The following PCDHB7 variants were observed in gnomAD, a reference collection of about 807,000 sequenced individuals.
PCDHB7 encodes the protein protocadherin beta-7.
For synonymous variants in PCDHB7, 542 were observed against 463.1 expected (o/e 1.17, Z -2.19); for missense variants, 1,148 against 1,011.6 (o/e 1.13, Z -1.83).
chr5:141,174,342 C>T lies in PCDHB7; in HGVS notation c.1507C>T (p.Leu503=), dbSNP rs1554280222. 1 of 1,612,992 alleles carries T rather than the reference C, an allele frequency of 6.2e-7. No homozygotes were observed. Among genetic ancestry groups the T allele is most frequent in the East Asian group, 2.2e-5 (1 of 44,866 alleles). ...SQDPHLPLAS[L]VSINADNGHL... ...GGACCCGCACCTGCCCCTCGCCTCC[C>T]TGGTCTCCATCAACGCGGACAACGG... The change falls in exon 1 of 1, where the codon CTG becomes TTG. Residue 503 remains leucine (L), a synonymous_variant. Coordinates refer to ENST00000231137, the MANE Select transcript of PCDHB7 (RefSeq NM_018940.4).
At position 141,173,865 on chromosome 5, in the gene PCDHB7, C is replaced by A. The variant is rs566132808; in HGVS notation, c.1030C>A (p.Arg344=). 2 of 1,613,852 alleles carry A rather than the reference C, an allele frequency of 1.2e-6. No homozygotes were observed. Among genetic ancestry groups the A allele is most frequent in the South Asian group, 2.2e-5 (2 of 91,044 alleles). ...VVDVTDINDN[R]PELLLSSLTS... is the part of the protein sequence containing the mutation. Reference sequence around the variant, plus strand: ...TGATGTAACAGATATAAACGATAATCGACCCGAGCTGCTCCTGTCTTCACT... The same window carrying A: ...TGATGTAACAGATATAAACGATAATAGACCCGAGCTGCTCCTGTCTTCACT... The change falls in exon 1 of 1, where the codon CGA becomes AGA. Residue 344 remains arginine, a synonymous_variant. Coordinates refer to ENST00000231137, the MANE Select transcript of PCDHB7 (RefSeq NM_018940.4).
chr5:141,175,029 C>T lies in PCDHB7; in HGVS notation c.2194C>T (p.Arg732Ter), dbSNP rs782652788. ...RCSVPEGPFPRHLVDLSGTGT... is the reference protein window; with the variant it reads ...RCSVPEGPFP ...CTCGGTGCCTGAGGGCCCCTTTCCA[C>T]GACATCTGGTGGACTTGAGCGGCAC... The change falls in exon 1 of 1, where the codon CGA (arginine) becomes TGA (stop). Residue 732 changes from arginine to a stop codon, truncating the protein, a stop_gained. Coordinates refer to ENST00000231137, the MANE Select transcript of PCDHB7 (RefSeq NM_018940.4). LOFTEE classifies it low-confidence loss of function (END_TRUNC). 1.2e-6 allele frequency: 2 copies of T among 1,614,092 alleles called. No homozygotes were observed. The highest frequency in any genetic ancestry group is 2.2e-5 in the East Asian group (1 of 44,862).
Position 141,174,021 on chromosome 5 carries a change from T to A in PCDHB7, c.1186T>A (p.Ser396Thr), listed in dbSNP as rs1753291735. ...QDDVPFILKP[S>T]VENFYTLVTE... ...CGATGTCCCCTTCATCCTGAAGCCA[T>A]CTGTCGAAAACTTCTATACTCTGGT... Residue 396 changes from serine to threonine, a missense_variant, in exon 1 of 1, where the codon TCT becomes ACT. Physicochemically the swap from Ser to Thr is moderately conservative, Grantham distance 58. Coordinates refer to ENST00000231137, the MANE Select transcript of PCDHB7 (RefSeq NM_018940.4). The A allele has an allele frequency of 6.2e-7, 1 of 1,614,048 alleles. No homozygotes were observed. Among genetic ancestry groups the A allele is most frequent in the Admixed American group, 1.7e-5 (1 of 60,000 alleles).
At position 141,173,742 on chromosome 5, in the gene PCDHB7, C is replaced by A. The variant is rs781932526; in HGVS notation, c.907C>A (p.Leu303Ile). ...QINPTSGSLH[L>I]KAQLDYEAIQ... Reference sequence around the variant, plus strand: ...CAATCCAACATCTGGCAGTCTTCATCTTAAAGCGCAATTGGACTATGAGGC... The same window carrying A: ...CAATCCAACATCTGGCAGTCTTCATATTAAAGCGCAATTGGACTATGAGGC... Residue 303 changes from leucine to isoleucine, a missense_variant, in exon 1 of 1, where the codon CTT (leucine) becomes ATT (isoleucine). Leu to Ile is a conservative substitution (Grantham distance 5, BLOSUM62 2). Transcript: ENST00000231137. The A allele has an allele frequency of 1.9e-6, 3 of 1,613,816 alleles. No individual in the cohort carries two copies. Among genetic ancestry groups the A allele is most frequent in the Admixed American group, 1.7e-5 (1 of 59,992 alleles).
In PCDHB7 at chr5:141,172,810, A is replaced by G. The variant is rs1053370685; in HGVS notation, c.-26A>G. On this transcript the variant is annotated 5_prime_UTR_variant, in exon 1 of 1. Transcript: ENST00000231137. ...AGCCGCTGGAGGCTGAGTGAAAGTCATTTTGAAAGACTGATCCAAAGAAGA... is the reference window on the plus strand; with the variant it reads ...AGCCGCTGGAGGCTGAGTGAAAGTCGTTTTGAAAGACTGATCCAAAGAAGA... The G allele has an allele frequency of 1.9e-6, 3 of 1,585,172 alleles. No homozygotes were observed. The Admixed American group carries it at 5.2e-5, about 27-fold the overall frequency.
At position 141,173,126 on chromosome 5, in the gene PCDHB7, C is replaced by A; in HGVS notation, c.291C>A (p.Gly97=). Residue 97 remains glycine, a synonymous_variant, in exon 1 of 1, where the codon GGC becomes GGA. Coordinates refer to ENST00000231137, the MANE Select transcript of PCDHB7 (RefSeq NM_018940.4). The part of the protein sequence containing the change: ...NEKLDREELC[G]PREPCVLPFQ... ...AATTGGACCGAGAGGAACTGTGTGG[C>A]CCCAGAGAGCCCTGTGTGCTGCCTT... is the stretch of plus-strand genomic sequence containing the variant. 6.2e-7 allele frequency: 1 copy of A among 1,614,154 alleles called. No homozygotes were observed. Among genetic ancestry groups the A allele is most frequent in the South Asian group, 1.1e-5 (1 of 91,070 alleles).
chr5:141,174,789 C>T lies in PCDHB7; in HGVS notation c.1954C>T (p.Arg652Cys), dbSNP rs201836983. ...VLVKDNGEPP[R>C]SATATLHVLL... ...GGTCAAGGACAATGGCGAGCCTCCG[C>T]GCTCGGCCACCGCCACGCTGCACGT... The change falls in exon 1 of 1, where the codon CGC becomes TGC. Residue 652 changes from arginine to cysteine, a missense_variant. Transcript: ENST00000231137. 8.3e-5 allele frequency: 134 copies of T among 1,611,006 alleles called. No individual in the cohort carries two copies. The highest frequency in any genetic ancestry group is 2.1e-4 in the Middle Eastern group (1 of 4,860).
rs1753370221 is a variant in PCDHB7, at chr5:141,175,891, T to A, written c.*674T>A. The A allele has an allele frequency of 6.0e-6, 1 of 167,156 alleles. No homozygotes were observed. Among genetic ancestry groups the A allele is most frequent in the South Asian group, 2.1e-4 (1 of 4,836 alleles). 10.4% of individuals were successfully genotyped at this position (167,156 alleles called of 1,614,324 possible). On this transcript the variant is annotated 3_prime_UTR_variant, in exon 1 of 1. Coordinates refer to ENST00000231137, the MANE Select transcript of PCDHB7 (RefSeq NM_018940.4). ...TTATCATATTTATACTGCTGTCCAA[T>A]CTTTTCTATATTTAGAAATAATAAT...
Position 141,173,518 on chromosome 5 carries a change from T to C in PCDHB7, c.683T>C (p.Val228Ala). Residue 228 changes from valine (V) to alanine (A), a missense_variant, in exon 1 of 1, where the codon GTG becomes GCG. Physicochemically the swap from Val to Ala is moderately conservative, Grantham distance 64. Coordinates refer to ENST00000231137, the MANE Select transcript of PCDHB7 (RefSeq NM_018940.4). ...GSPPRSGTAL[V>A]RILVLDVNDN... ...CCTCCAAGATCAGGGACCGCCCTCG[T>C]GCGCATTCTGGTTCTAGACGTAAAT... 1.2e-6 allele frequency: 2 copies of C among 1,614,012 alleles called. No homozygotes were observed. Among genetic ancestry groups the C allele is most frequent in the Non-Finnish European group, 1.7e-6 (2 of 1,179,902 alleles).
Position 141,175,190 on chromosome 5 carries a change from C to A in PCDHB7, c.2355C>A (p.Arg785=). 6.2e-7 allele frequency: 1 copy of A among 1,607,650 alleles called. No homozygotes were observed. The highest frequency in any genetic ancestry group is 8.5e-7 in the Non-Finnish European group (1 of 1,176,944). ...QSTGREVEEN[R]PFQNNLGF is the part of the protein sequence containing the mutation. ...CAGGCAGGGAAGTGGAAGAAAATCG[C>A]CCATTTCAGAATAATTTGGGTTTCT... is the stretch of plus-strand genomic sequence containing the variant. Residue 785 remains arginine (R), a synonymous_variant, in exon 1 of 1, where the codon CGC becomes CGA. Coordinates refer to ENST00000231137, the MANE Select transcript of PCDHB7 (RefSeq NM_018940.4).
At position 141,173,963 on chromosome 5, in the gene PCDHB7, G is replaced by A. The variant is rs201912596; in HGVS notation, c.1128G>A (p.Gly376=). Residue 376 remains glycine, a synonymous_variant, in exon 1 of 1, where the codon GGG becomes GGA. Transcript: ENST00000231137. ...TTAGGATTAGAGACAGAGATTCCGG[G>A]AACAATGGAAAGACAGTGTGCTCCA... ...AVFRIRDRDS[G]NNGKTVCSIQ... 9 of 1,613,852 alleles carry A rather than the reference G, an allele frequency of 5.6e-6. No homozygotes were observed. The highest frequency in any genetic ancestry group is 1.6e-4 in the Middle Eastern group (1 of 6,062).
In PCDHB7 at chr5:141,174,326, C is replaced by G; in HGVS notation, c.1491C>G (p.His497Gln). Residue 497 changes from histidine to glutamine, a missense_variant, in exon 1 of 1, where the codon CAC becomes CAG. Transcript: ENST00000231137. Reference sequence around the variant, plus strand: ...CCCTGCTGCCGTCCCAGGACCCGCACCTGCCCCTCGCCTCCCTGGTCTCCA... The same window carrying G: ...CCCTGCTGCCGTCCCAGGACCCGCAGCTGCCCCTCGCCTCCCTGGTCTCCA... ...IYSLLPSQDP[H>Q]LPLASLVSIN... The G allele has an allele frequency of 6.2e-7, 1 of 1,612,974 alleles. No individual in the cohort carries two copies. Among genetic ancestry groups the G allele is most frequent in the South Asian group, 1.1e-5 (1 of 91,028 alleles).
rs1554280024 is a variant in PCDHB7, at chr5:141,173,565, C to T, written c.730C>T (p.Arg244Trp). 6 of 1,613,330 alleles carry T rather than the reference C, an allele frequency of 3.7e-6. No individual in the cohort carries two copies. Among genetic ancestry groups the T allele is most frequent in the East Asian group, 4.5e-5 (2 of 44,876 alleles). ...AAATGACAACGCCCCTGATTTTGTG[C>T]GGTCGCTCTACAAGGTGCAGGTGCC... ...DVNDNAPDFV[R>W]SLYKVQVPEN... The change falls in exon 1 of 1, where the codon CGG becomes TGG. Residue 244 changes from arginine (R) to tryptophan (W), a missense_variant. Coordinates refer to ENST00000231137, the MANE Select transcript of PCDHB7 (RefSeq NM_018940.4).
Position 141,173,966 on chromosome 5 carries a change from C to T in PCDHB7, c.1131C>T (p.Asn377=). Residue 377 remains asparagine, a synonymous_variant, in exon 1 of 1, where the codon AAC becomes AAT. Coordinates refer to ENST00000231137, the MANE Select transcript of PCDHB7 (RefSeq NM_018940.4). The stretch of plus-strand genomic sequence containing the variant: ...GGATTAGAGACAGAGATTCCGGGAA[C>T]AATGGAAAGACAGTGTGCTCCATCC... ...VFRIRDRDSG[N]NGKTVCSIQD... is the part of the protein sequence containing the mutation. The T allele has an allele frequency of 1.2e-6, 2 of 1,613,882 alleles. No individual in the cohort carries two copies. Among genetic ancestry groups the T allele is most frequent in the Non-Finnish European group, 1.7e-6 (2 of 1,179,818 alleles).
chr5:141,172,995 T>TTAGGGG lies in PCDHB7; in HGVS notation c.167_172dup (p.Val56_Gly57dup). On this transcript the variant is annotated inframe_insertion, in exon 1 of 1. Coordinates refer to ENST00000231137, the MANE Select transcript of PCDHB7 (RefSeq NM_018940.4). ...TACCAACTTGGCAAAAGACCTAGGGTTAGGGGTAGGGGAACTGAGAGCCCG... is the reference window on the plus strand; with the variant it reads ...TACCAACTTGGCAAAAGACCTAGGGTTAGGGGTAGGGGTAGGGGAACTGAGAGCCCG... 6.2e-7 allele frequency: 1 copy of TTAGGGG among 1,613,402 alleles called. No individual in the cohort carries two copies.
Position 141,174,046 on chromosome 5 carries a change from T to A in PCDHB7, c.1211T>A (p.Val404Glu), listed in dbSNP as rs1554280138. The change falls in exon 1 of 1, where the codon GTA becomes GAA. Residue 404 changes from valine (V) to glutamate (E), a missense_variant. By Grantham distance (121) the Val-to-Glu change is moderately radical. Coordinates refer to ENST00000231137, the MANE Select transcript of PCDHB7 (RefSeq NM_018940.4). ...TCTGTCGAAAACTTCTATACTCTGG[T>A]AACAGAGAAACCTTTGGATCGAGAG... is the stretch of plus-strand genomic sequence containing the variant. ...KPSVENFYTL[V>E]TEKPLDRERN... 6.2e-7 allele frequency: 1 copy of A among 1,614,036 alleles called. No individual in the cohort carries two copies. The highest frequency in any genetic ancestry group is 8.5e-7 in the Non-Finnish European group (1 of 1,179,916).
In PCDHB7 at chr5:141,175,152, C is replaced by T. The variant is rs782304667; in HGVS notation, c.2317C>T (p.Leu773=). 4 of 1,614,046 alleles carry T rather than the reference C, an allele frequency of 2.5e-6. No homozygotes were observed. The highest frequency in any genetic ancestry group is 4.5e-5 in the East Asian group (2 of 44,898). The part of the protein sequence containing the change: ...KFLKPIIPNL[L]PQSTGREVEE... Reference sequence around the variant, plus strand: ...TCTGAAACCAATTATCCCCAACCTGCTACCCCAGAGCACAGGCAGGGAAGT... The same window carrying T: ...TCTGAAACCAATTATCCCCAACCTGTTACCCCAGAGCACAGGCAGGGAAGT... The change falls in exon 1 of 1, where the codon CTA becomes TTA. Residue 773 remains leucine, a synonymous_variant. Transcript: ENST00000231137.
chr5:141,174,473 G>C lies in PCDHB7; in HGVS notation c.1638G>C (p.Leu546=). Residue 546 remains leucine, a synonymous_variant, in exon 1 of 1, where the codon CTG becomes CTC. Transcript: ENST00000231137. ...CCCCCGCGCTGAGCAGCGAGGCGCT[G>C]GTGCGCGTGCTGGTGCTGGACGCCA... The part of the protein sequence containing the change: ...RGSPALSSEA[L]VRVLVLDAND... The C allele has an allele frequency of 6.2e-7, 1 of 1,611,266 alleles. No individual in the cohort carries two copies. Among genetic ancestry groups the C allele is most frequent in the Non-Finnish European group, 8.5e-7 (1 of 1,179,526 alleles).
chr5:141,172,802 T>G lies in PCDHB7; in HGVS notation c.-34T>G. On this transcript the variant is annotated 5_prime_UTR_variant, in exon 1 of 1. Transcript: ENST00000231137. ...TTTGTGAGAGCCGCTGGAGGCTGAG[T>G]GAAAGTCATTTTGAAAGACTGATCC... 1 of 1,566,472 alleles carries G rather than the reference T, an allele frequency of 6.4e-7. No individual in the cohort carries two copies. Among genetic ancestry groups the G allele is most frequent in the Non-Finnish European group, 8.7e-7 (1 of 1,145,332 alleles).
Sources: allele counts gnomAD v4.1 joint callset, GRCh38; gene constraint gnomAD v4.1.1; transcripts MANE v1.5; gene names NCBI Gene and HGNC (gene_info 2026-07-23, HGNC 2026-07-21).